CD6: variants seen among roughly 807,000 people sequenced by gnomAD.
CD6 encodes CD6 molecule.
In CD6, 53 loss-of-function variants were observed where a neutral mutation model predicts 75.3. The ratio of observed to expected loss-of-function variants is 0.70; its 90% CI spans 0.56 to 0.88. CD6 has a LOEUF of 0.88. Ranked by LOEUF, CD6 falls within the 40% of genes least tolerant of loss-of-function variation. The pLI is 0.00. For synonymous variants in CD6, 359 were observed against 381.5 expected, an observed-to-expected ratio of 0.94 and a Z score of 0.69; for missense variants, 770 against 897.1, an observed-to-expected ratio of 0.86 and a Z score of 1.81.
At position 61,007,528 on chromosome 11, in the gene CD6, C is replaced by T; in HGVS notation, c.119-32C>T. 7.1e-7 allele frequency: 1 copy of T among 1,414,338 alleles called. No homozygotes were observed. Among genetic ancestry groups the T allele is most frequent in the Non-Finnish European group, 9.3e-7 (1 of 1,079,768 alleles). The allele number at this position is 1,414,338 out of a possible 1,614,324, so 87.6% of individuals were successfully genotyped here. A position where few individuals can be genotyped will look rare whatever the true frequency, so the allele number is the denominator to read the frequency against. Reference sequence around the variant, plus strand: ...TGGGCAACCCTCTGCCCAGGCCCCACCGGTCTCAGCTCTCTGGTCTGACAC... The same window carrying T: ...TGGGCAACCCTCTGCCCAGGCCCCATCGGTCTCAGCTCTCTGGTCTGACAC... On this transcript the variant is annotated intron_variant, in intron 2 of 12. Coordinates refer to ENST00000313421, the MANE Select transcript of CD6 (RefSeq NM_006725.5). This position sits in a 1 kb window ranked among gnomAD's most constrained non-coding sequence, Gnocchi z 4.2.
Position 61,018,334 on chromosome 11 carries a change from G to A in CD6, c.1883G>A (p.Trp628Ter). The change falls in exon 12 of 13, where the codon TGG (tryptophan) becomes TAG (stop). Residue 628 changes from tryptophan (W) to a stop codon, truncating the protein, a stop_gained. Transcript: ENST00000313421. LOFTEE classifies it high-confidence loss of function. ...AGCTCCAGCACCTCATCCGGGGAGT[G>A]GTACCAGAACTTCCAGCCACCACCC... ...DDSSSTSSGE[W>*]YQNFQPPPQP... The A allele has an allele frequency of 6.2e-7, 1 of 1,608,756 alleles. No individual in the cohort carries two copies.
intron 5 of CD6, among the ~76,000 whole-genome samples, chr11:61,010,303 C>T (rs1433310642): frequency 6.6e-6 from 1 of 152,226 alleles, no homozygotes; most frequent in Non-Finnish European, 1.5e-5. Flanking sequence ...CTCATACCCA[C>T]TCTATGAGTT....
intron 1 of CD6, among the ~76,000 whole-genome samples, chr11:60,993,628 G>C (rs1858154588): frequency 6.6e-6 from 1 of 152,130 alleles, no homozygotes; most frequent in African/African-American, 2.4e-5. Context: ...CACACAGCCA[G>C]TAATCAGCAG....
chr11:60,998,912 AT>A (rs1360969611), intron 1 of CD6, among the ~76,000 whole-genome samples: 1 of 151,432 alleles, frequency 6.6e-6, no homozygotes, highest in Non-Finnish European at 1.5e-5. Context: ...TAATCCCAGC[AT>A]TTTGGGAGGC....
chr11:61,018,053 C>T, intron 11 of CD6, 40 bp downstream of exon 11: 1 of 1,598,088 alleles, frequency 6.3e-7, no homozygotes, highest in African/African-American at 1.3e-5. Context: ...CCATAGCCAG[C>T]CTGGCTGGAG....
intron 8 of CD6, 96 bp from the exon 9 acceptor site, chr11:61,015,617 C>T (rs2134496461): frequency 1.4e-6 from 2 of 1,445,414 alleles, no homozygotes; most frequent in South Asian, 2.4e-5. Context: ...TCCCCTGCTA[C>T]TCTGCCTCTC....
Position 61,009,587 on chromosome 11 carries a change from G to T in CD6, c.797G>T (p.Arg266Leu), listed in dbSNP as rs758212958. 2 of 1,606,840 alleles carry T rather than the reference G, an allele frequency of 1.2e-6. No homozygotes were observed. Among genetic ancestry groups the T allele is most frequent in the Admixed American group, 1.7e-5 (1 of 59,584 alleles). Residue 266 changes from arginine (R) to leucine (L), a missense_variant, in exon 5 of 13, where the codon CGC becomes CTC. Transcript: ENST00000313421. ...GAVCSEHQSW[R>L]LTGGADRCEG... ...TTCCCTGCAGAGCACCAGTCCTGGC[G>T]CCTGACAGGGGGCGCTGACCGCTGC... is the stretch of plus-strand genomic sequence containing the variant.
At chr11:61,002,213 C>G (rs534607519) in intron 1 of CD6, among the ~76,000 whole-genome samples, 24 of 152,138 alleles carry the variant, frequency 1.6e-4, no homozygotes, top group Non-Finnish European at 3.5e-4. Flanking sequence ...CAGCCGTTTC[C>G]CCTGTGAATG....
intron 1 of CD6, among the ~76,000 whole-genome samples, chr11:60,997,205 A>G (rs1465010482): frequency 6.6e-6 from 1 of 152,102 alleles, no homozygotes; most frequent in Non-Finnish European, 1.5e-5. Flanking sequence ...GTGAAACCCC[A>G]TCTCTACTAA....
chr11:60,981,424 C>G (rs1316225424), intron 1 of CD6, among the ~76,000 whole-genome samples: 1 of 152,208 alleles, frequency 6.6e-6, no homozygotes, highest in African/African-American at 2.4e-5. Context: ...AAAGGTCCGC[C>G]CTTCCCCCAG....
intron 7 of CD6, 23 bp from the exon 8 acceptor site, chr11:61,013,896 A>T (rs1391703421): frequency 1.3e-6 from 2 of 1,551,882 alleles, no homozygotes; most frequent in Admixed American, 3.7e-5. Flanking sequence ...TGACTTGTAG[A>T]ATTTCTGCCT....
chr11:61,001,687 G>C (rs1858593195), intron 1 of CD6, among the ~76,000 whole-genome samples: 2 of 152,018 alleles, frequency 1.3e-5, no homozygotes, highest in Admixed American at 6.6e-5. Context: ...GATTTTTAAA[G>C]TACAGCCTTT....
chr11:60,980,980 G>A (rs1241194030), intron 1 of CD6, among the ~76,000 whole-genome samples: 1 of 152,138 alleles, frequency 6.6e-6, no homozygotes, highest in Non-Finnish European at 1.5e-5. Flanking sequence ...TGTTGGGTAG[G>A]CAGGACTGAA....
At chr11:61,013,331 G>A (rs1859238676) in intron 6 of CD6, 92 bp from the exon 7 acceptor site, 1 of 1,406,862 alleles carries the variant, frequency 7.1e-7, no homozygotes, top group Non-Finnish European at 9.7e-7. Context: ...ACATAAAAAG[G>A]GAAGCAGGTC....
chr11:60,993,410 C>T (rs1466985088), intron 1 of CD6, among the ~76,000 whole-genome samples: 1 of 151,618 alleles, frequency 6.6e-6, no homozygotes, highest in Non-Finnish European at 1.5e-5. Context: ...AGCCAGCTGC[C>T]GTCCCATAGC....
At chr11:60,988,990 C>A (rs1240508243) in intron 1 of CD6, among the ~76,000 whole-genome samples, 1 of 152,194 alleles carries the variant, frequency 6.6e-6, no homozygotes, top group African/African-American at 2.4e-5. Context: ...CTGGGGAATT[C>A]TATTCTTGAA....
At chr11:61,004,912 A>G (rs1048886913) in intron 1 of CD6, among the ~76,000 whole-genome samples, 4 of 152,236 alleles carry the variant, frequency 2.6e-5, no homozygotes, top group African/African-American at 7.2e-5. Context: ...AAAAGCAGGC[A>G]GACGTCTTCT....
chr11:60,976,752 G>A (rs115856940), intron 1 of CD6, among the ~76,000 whole-genome samples: 2,615 of 152,164 alleles, frequency 0.017, 41 homozygotes, highest in Middle Eastern at 0.061. Flanking sequence ...TTGATAGTCC[G>A]TGCCCTCTAA....
intron 1 of CD6, among the ~76,000 whole-genome samples, chr11:60,981,289 C>T (rs1223185795): frequency 1.3e-5 from 2 of 152,142 alleles, no homozygotes; most frequent in Admixed American, 6.5e-5. Context: ...TTTCCTAGAT[C>T]GCACCACTAA....
Sources: gnomAD v4.1 joint callset for allele counts (sites outside exome capture counted in the v4.1 genomes callset) on GRCh38, gnomAD v4.1.1 for gene constraint, Gnocchi (gnomAD v3.1) non-coding constraint, MANE v1.5 for transcripts, NCBI Gene and HGNC (gene_info 2026-07-23, HGNC 2026-07-21) for gene names.